The following TTC33 variants were observed in gnomAD, a reference collection of about 807,000 sequenced individuals.
The protein encoded by TTC33 is tetratricopeptide repeat domain 33.
Under a neutral mutation model 29.4 loss-of-function variants are expected in TTC33, and 24 were observed. That is an observed-to-expected ratio of 0.82 (90% CI 0.59 to 1.15). The LOEUF is 1.15. Among genes scored for constraint, TTC33 ranks in the 50% most tolerant of loss-of-function variants. The pLI is 0.00. For missense variants in TTC33, 286 were observed against 310.4 expected (o/e 0.92, Z 0.59); for synonymous variants, 107 against 100.3 (o/e 1.07, Z -0.40).
chr5:40,728,956 T>TAG (rs911673309), intron 3 of TTC33, among the ~76,000 whole-genome samples: 4 of 152,118 alleles, frequency 2.6e-5, no homozygotes, highest in African/African-American at 9.7e-5. Flanking sequence ...CCATACATAC[T>TAG]AGGAAGGTAG....
intron 2 of TTC33, among the ~76,000 whole-genome samples, chr5:40,743,813 A>G (rs964716121): frequency 6.6e-6 from 1 of 152,222 alleles, no homozygotes; most frequent in Non-Finnish European, 1.5e-5. Flanking sequence ...CTAAAGCAGT[A>G]TATACATTAC....
In TTC33 at chr5:40,738,577, A is replaced by AATAAAAT. The variant is rs1554027966; in HGVS notation, c.221+8214_221+8220dup. On this transcript the variant is annotated intron_variant, in intron 2 of 4. Transcript: ENST00000337702. Reference sequence around the variant, plus strand: ...TAAAATAAAATAAAATATAAAATAAAATAAAATAAAATAAAATAAAATAAA... The same window carrying AATAAAAT: ...TAAAATAAAATAAAATATAAAATAAAATAAAATATAAAATAAAATAAAATAAAATAAA... 2.7e-3 allele frequency among the ~76,000 whole-genome samples: 386 copies of AATAAAAT among 145,362 alleles called. 5 individuals are homozygous for AATAAAAT. Among genetic ancestry groups the AATAAAAT allele is most frequent in the African/African-American group, 9.5e-3 (375 of 39,392 alleles).
chr5:40,750,206 A>G (rs1035562766), intron 1 of TTC33, among the ~76,000 whole-genome samples: 1 of 152,030 alleles, frequency 6.6e-6, no homozygotes, highest in African/African-American at 2.4e-5. Context: ...GTTTTTCCTC[A>G]ATGTTGATGG....
At chr5:40,718,881 A>G (rs1389638783) in intron 4 of TTC33, among the ~76,000 whole-genome samples, 1 of 152,188 alleles carries the variant, frequency 6.6e-6, no homozygotes, top group Non-Finnish European at 1.5e-5. Context: ...AGCCTGAGCA[A>G]CAGAGCGAGA....
chr5:40,754,450 A>C (rs1742949319), intron 1 of TTC33, among the ~76,000 whole-genome samples: 1 of 152,196 alleles, frequency 6.6e-6, no homozygotes, highest in South Asian at 2.1e-4. Flanking sequence ...ATCTGCTCAA[A>C]GTAAAAGGAA....
intron 4 of TTC33, among the ~76,000 whole-genome samples, chr5:40,717,534 G>T (rs116686304): frequency 6.6e-6 from 1 of 152,280 alleles, no homozygotes; most frequent in Non-Finnish European, 1.5e-5. Context: ...TGGAAGGGCT[G>T]TCCTCTATAA....
At chr5:40,750,285 A>G (rs1458801108) in intron 1 of TTC33, among the ~76,000 whole-genome samples, 1 of 151,780 alleles carries the variant, frequency 6.6e-6, no homozygotes, top group Non-Finnish European at 1.5e-5. Context: ...ATAAGACAAC[A>G]GCGGTCAGGC....
intron 4 of TTC33, among the ~76,000 whole-genome samples, chr5:40,725,580 G>T (rs1234888244): frequency 6.6e-6 from 1 of 152,092 alleles, no homozygotes; most frequent in Admixed American, 6.6e-5. Context: ...AAGCCACAAA[G>T]CTAGTTCCAG....
chr5:40,742,828 T>C (rs1468564399), intron 2 of TTC33, among the ~76,000 whole-genome samples: 1 of 152,234 alleles, frequency 6.6e-6, no homozygotes, highest in African/African-American at 2.4e-5. Context: ...CTCAGAATAC[T>C]ATATTCTAAT....
intron 2 of TTC33, among the ~76,000 whole-genome samples, chr5:40,745,521 C>A (rs956199004): frequency 8.6e-5 from 13 of 151,622 alleles, no homozygotes; most frequent in African/African-American, 3.2e-4. Flanking sequence ...ACGAGATTGT[C>A]CTATTCTTTT....
At chr5:40,733,107 T>C (rs775324313) in intron 2 of TTC33, among the ~76,000 whole-genome samples, 1 of 152,184 alleles carries the variant, frequency 6.6e-6, no homozygotes, top group African/African-American at 2.4e-5. Context: ...GTTCCGTTCA[T>C]TATTTCATAT....
intron 3 of TTC33, among the ~76,000 whole-genome samples, chr5:40,729,848 G>A (rs1742382201): frequency 6.6e-6 from 1 of 152,104 alleles, no homozygotes; most frequent in African/African-American, 2.4e-5. Flanking sequence ...ACAGGCATGT[G>A]CCACCACGCC....
intron 4 of TTC33, among the ~76,000 whole-genome samples, chr5:40,722,502 G>C (rs1343424445): frequency 6.7e-6 from 1 of 149,894 alleles, no homozygotes; most frequent in Non-Finnish European, 1.5e-5. Context: ...GATGTGGGGA[G>C]CGCCTCTGCC....
chr5:40,725,994 C>A (rs1742275741), intron 4 of TTC33, among the ~76,000 whole-genome samples: 1 of 151,674 alleles, frequency 6.6e-6, no homozygotes, highest in Non-Finnish European at 1.5e-5. Context: ...ACCGTGTTAG[C>A]CAGGATGGTC....
chr5:40,752,323 T>C (rs1346576668), intron 1 of TTC33, among the ~76,000 whole-genome samples: 1 of 152,254 alleles, frequency 6.6e-6, no homozygotes, highest in East Asian at 1.9e-4. Context: ...AGTAGCACTT[T>C]CAATTTCATT....
rs1378232786 is a variant in TTC33 at position 40,715,449 on chromosome 5, A to G, written c.*696T>C. The G allele has an allele frequency of 6.6e-6, 1 of 152,342 alleles. No homozygotes were observed. The allele number at this position is 152,342 out of a possible 1,614,324, so 9.4% of individuals were successfully genotyped here. A position where few individuals can be genotyped will look rare whatever the true frequency, so the allele number is the denominator to read the frequency against. Reference sequence around the variant, plus strand: ...GGATTACTTACTGTAACAATTAAAAAATAAAACCATCATTCTCATATTTAT... The same window carrying G: ...GGATTACTTACTGTAACAATTAAAAGATAAAACCATCATTCTCATATTTAT... On this transcript the variant is annotated 3_prime_UTR_variant, in exon 5 of 5. Transcript: ENST00000337702.
chr5:40,743,414 T>A (rs1371719538), intron 2 of TTC33, among the ~76,000 whole-genome samples: 1 of 152,180 alleles, frequency 6.6e-6, no homozygotes, highest in Non-Finnish European at 1.5e-5. Flanking sequence ...AGGGACTCAG[T>A]ATTTTTTTTA....
chr5:40,740,262 C>A (rs1297477472), intron 2 of TTC33, among the ~76,000 whole-genome samples: 1 of 151,086 alleles, frequency 6.6e-6, no homozygotes, highest in Non-Finnish European at 1.5e-5. Flanking sequence ...TTTACTTAGA[C>A]ACAAATTTCT....
At chr5:40,730,421 G>T in intron 2 of TTC33, 78 bp from the exon 3 acceptor site, 1 of 1,159,832 alleles carries the variant, frequency 8.6e-7, no homozygotes, top group Non-Finnish European at 1.3e-6. Context: ...TTTTATTGTA[G>T]TAAAATATAA....
Sources: allele counts gnomAD v4.1 joint callset (sites outside exome capture counted in the v4.1 genomes callset), GRCh38; gene constraint gnomAD v4.1.1; transcripts MANE v1.5; gene names NCBI Gene and HGNC (gene_info 2026-07-23, HGNC 2026-07-21).